The following APBB2 variants were observed in gnomAD, a reference collection of about 807,000 sequenced individuals.
APBB2 encodes the protein Fe65-like 1.
Under a neutral mutation model 82.5 loss-of-function variants are expected in APBB2, and 38 were observed. The observed-to-expected ratio is 0.46, with a 90% CI of 0.36 to 0.60. The LOEUF is 0.60. Among genes scored for constraint, APBB2 ranks in the 20% least tolerant of loss-of-function variants. APBB2 has a pLI of 0.00. For missense variants in APBB2, 772 were observed against 972.3 expected, an observed-to-expected ratio of 0.79 and a Z score of 2.74; for synonymous variants, 341 against 368.2, an observed-to-expected ratio of 0.93 and a Z score of 0.85.
At chr4:40,910,463 T>A (rs1778252047) in intron 10 of APBB2, among the ~76,000 whole-genome samples, 1 of 152,126 alleles carries the variant, frequency 6.6e-6, no homozygotes, top group Admixed American at 6.5e-5. Context: ...GGTCTTCAAC[T>A]CCTGGGCTCA....
chr4:40,975,614 AC>A lies in APBB2; in HGVS notation c.836-30542del, dbSNP rs373883184. 1.6e-3 allele frequency among the ~76,000 whole-genome samples: 251 copies of A among 152,278 alleles called. 1 individual carries two copies. Among genetic ancestry groups the A allele is most frequent in the African/African-American group, 5.7e-3 (238 of 41,550 alleles). On this transcript the variant is annotated intron_variant, in intron 6 of 17. Coordinates refer to ENST00000508593, the MANE Select transcript of APBB2 (RefSeq NM_004307.2). The stretch of plus-strand genomic sequence containing the variant: ...TTTATGAGTCCTTACTGCCCCAGGC[AC>A]TGTATGAAATACTCCACATGCTTTA...
At chr4:40,947,277 T>C (rs541467164) in intron 6 of APBB2, among the ~76,000 whole-genome samples, 1 of 152,300 alleles carries the variant, frequency 6.6e-6, no homozygotes, top group Non-Finnish European at 1.5e-5. Context: ...GACAGCGAGC[T>C]CTGGAACTAG....
intron 2 of APBB2, among the ~76,000 whole-genome samples, chr4:41,105,099 T>C (rs1746713442): frequency 6.6e-6 from 1 of 152,206 alleles, no homozygotes; most frequent in South Asian, 2.1e-4. Flanking sequence ...AAGTCAGTGG[T>C]TGTATGTGTA....
In APBB2 at chr4:40,951,600, C is replaced by T. The variant is rs116070728; in HGVS notation, c.836-6527G>A. Among the ~76,000 whole-genome samples, 402 of 152,340 alleles carry T rather than the reference C, an allele frequency of 2.6e-3. 1 individual carries two copies. Among genetic ancestry groups the T allele is most frequent in the African/African-American group, 9.3e-3 (388 of 41,580 alleles). On this transcript the variant is annotated intron_variant, in intron 6 of 17. Coordinates refer to ENST00000508593, the MANE Select transcript of APBB2 (RefSeq NM_004307.2). ...CTCAGCCACTCCCTATGTGAGTGTC[C>T]TTGGACAAGTTCCTCAACCTCTTTG...
At chr4:41,119,070 T>A (rs569486353) in intron 2 of APBB2, among the ~76,000 whole-genome samples, 2 of 151,900 alleles carry the variant, frequency 1.3e-5, no homozygotes, top group South Asian at 4.2e-4. Flanking sequence ...GCCCTGGAGG[T>A]TGAGGCTGCG....
At chr4:41,004,047 G>A (rs1198268070) in intron 6 of APBB2, among the ~76,000 whole-genome samples, 3 of 151,372 alleles carry the variant, frequency 2.0e-5, no homozygotes, top group Non-Finnish European at 4.4e-5. Context: ...AATGATGGGT[G>A]AACAAATTTC....
In APBB2 at chr4:40,944,855, T is replaced by C. The variant is rs759236732; in HGVS notation, c.1044+10A>G. On this transcript the variant is annotated intron_variant, in intron 7 of 17. Transcript: ENST00000508593. The stretch of plus-strand genomic sequence containing the variant: ...TTCTACTAAGCTGGTAAAAAGACAC[T>C]CCGTTTTACCTCGTTCTCTGGGGTG... The C allele has an allele frequency of 3.1e-6, 5 of 1,611,760 alleles. No homozygotes were observed. In the African/African-American group the frequency reaches 6.7e-5, roughly 22 times the overall value.
At chr4:40,983,700 C>T (rs929270321) in intron 6 of APBB2, among the ~76,000 whole-genome samples, 7 of 152,144 alleles carry the variant, frequency 4.6e-5, no homozygotes, top group African/African-American at 1.7e-4. Context: ...GCCTCAGCCT[C>T]CTGGCTAGCT....
chr4:40,933,843 TGAA>T (rs934564774), intron 10 of APBB2, among the ~76,000 whole-genome samples: 1 of 152,184 alleles, frequency 6.6e-6, no homozygotes, highest in African/African-American at 2.4e-5. Context: ...ACAGCAACCT[TGAA>T]GCATTCATCC....
chr4:40,822,201 G>T, intron 16 of APBB2, 151 bp from the exon 17 acceptor site: 2 of 818,044 alleles, frequency 2.4e-6, no homozygotes. Context: ...TTGCCCAAAT[G>T]TCTGAAGAGG....
chr4:40,987,951 T>G (rs1332604754), intron 6 of APBB2, among the ~76,000 whole-genome samples: 2 of 152,192 alleles, frequency 1.3e-5, no homozygotes, highest in Non-Finnish European at 2.9e-5. Context: ...AATGAGATTT[T>G]TATATTCAAA....
chr4:41,125,972 C>T (rs1047142319), intron 2 of APBB2, among the ~76,000 whole-genome samples: 1 of 152,054 alleles, frequency 6.6e-6, no homozygotes. Context: ...AAATGAAACC[C>T]GAGGACTCCA....
chr4:40,817,851 C>T (rs1053610571), intron 17 of APBB2, among the ~76,000 whole-genome samples: 12 of 152,194 alleles, frequency 7.9e-5, no homozygotes, highest in Admixed American at 2.6e-4. Context: ...ATTGATTACA[C>T]GTCTCCTCTG....
intron 2 of APBB2, among the ~76,000 whole-genome samples, chr4:41,125,169 A>G (rs1401175136): frequency 6.6e-6 from 1 of 152,268 alleles, no homozygotes; most frequent in Non-Finnish European, 1.5e-5. Flanking sequence ...GCCAGGTTGC[A>G]GGATGGCATA....
At chr4:41,186,225 C>T (rs1382901491) in intron 1 of APBB2, among the ~76,000 whole-genome samples, 2 of 152,092 alleles carry the variant, frequency 1.3e-5, no homozygotes, top group African/African-American at 2.4e-5. Context: ...TACATAAAAC[C>T]ATCCAGGAGT....
intron 12 of APBB2, among the ~76,000 whole-genome samples, chr4:40,876,173 G>A (rs1008130368): frequency 1.3e-5 from 2 of 152,150 alleles, no homozygotes; most frequent in African/African-American, 4.8e-5. Context: ...TGCACTCACT[G>A]CATATTTTAA....
chr4:41,067,700 T>C (rs1579732368), intron 3 of APBB2, among the ~76,000 whole-genome samples: 1 of 152,110 alleles, frequency 6.6e-6, no homozygotes, highest in East Asian at 1.9e-4. Context: ...GGTAGAGAGG[T>C]ACCACGGGAT....
chr4:40,885,154 A>G (rs1349736455), intron 12 of APBB2, among the ~76,000 whole-genome samples: 1 of 152,244 alleles, frequency 6.6e-6, no homozygotes, highest in Non-Finnish European at 1.5e-5. Context: ...TTGTGTGAGA[A>G]AACATTTTAA....
intron 1 of APBB2, among the ~76,000 whole-genome samples, chr4:41,213,586 G>A (rs922081356): frequency 6.6e-6 from 1 of 152,170 alleles, no homozygotes; most frequent in African/African-American, 2.4e-5. Context: ...CCACTTCACC[G>A]ACGTGAAGAC....
Sources: allele counts gnomAD v4.1 joint callset (sites outside exome capture counted in the v4.1 genomes callset), GRCh38; gene constraint gnomAD v4.1.1; transcripts MANE v1.5; gene names NCBI Gene and HGNC (gene_info 2026-07-23, HGNC 2026-07-21).